Variants in SNX24 observed in about 807,000 individuals in gnomAD.
The protein encoded by SNX24 is sorting nexin 24, also known as sorting nexin-24.
Under a neutral mutation model 28.7 loss-of-function variants are expected in SNX24, and 22 were observed. That is an observed-to-expected ratio of 0.77 (90% CI 0.55 to 1.10). SNX24 has a LOEUF of 1.10. Among genes scored for constraint, SNX24 ranks in the 50% least tolerant of loss-of-function variants. The pLI is 0.00. For missense variants in SNX24, 221 were observed against 201.1 expected (o/e 1.10, Z -0.60); for synonymous variants, 69 against 71.5 (o/e 0.96, Z 0.18).
chr5:122,953,292 A>T (rs1230906750), intron 3 of SNX24, among the ~76,000 whole-genome samples: 1 of 152,046 alleles, frequency 6.6e-6, no homozygotes, highest in Non-Finnish European at 1.5e-5. Flanking sequence ...TTTAATAGAA[A>T]CAGGGTTTCG....
At chr5:122,873,461 T>C (rs779872366) in intron 1 of SNX24, among the ~76,000 whole-genome samples, 1 of 152,092 alleles carries the variant, frequency 6.6e-6, no homozygotes, top group Non-Finnish European at 1.5e-5. Flanking sequence ...GTGAGCATGT[T>C]TGCATGCTGG....
chr5:122,981,425 A>T (rs1213307051), intron 3 of SNX24, among the ~76,000 whole-genome samples: 1 of 148,818 alleles, frequency 6.7e-6, no homozygotes, highest in Non-Finnish European at 1.5e-5. Flanking sequence ...ATGTACTTTT[A>T]AAAAGGTTTT....
In SNX24 at chr5:123,009,122, A is replaced by G. The variant is rs980825301; in HGVS notation, c.*1373A>G. On this transcript the variant is annotated 3_prime_UTR_variant, in exon 7 of 7. Transcript: ENST00000261369. ...AAATAATCAAATGTTGTCAACCAAA[A>G]GTAATAGTTGGGTATTGGAGATTTT... 1 of 985,508 alleles carries G rather than the reference A, an allele frequency of 1.0e-6. No homozygotes were observed. The highest frequency in any genetic ancestry group is 1.2e-6 in the Non-Finnish European group (1 of 829,580). The allele number at this position is 985,508 out of a possible 1,614,324, so 61.0% of individuals were successfully genotyped here.
chr5:122,903,560 C>T (rs759676055), intron 1 of SNX24, among the ~76,000 whole-genome samples: 2 of 152,208 alleles, frequency 1.3e-5, no homozygotes, highest in African/African-American at 2.4e-5. Flanking sequence ...TAATTATCTC[C>T]TGTGGACTGG....
chr5:122,993,444 G>A (rs932775292), intron 3 of SNX24, among the ~76,000 whole-genome samples: 2 of 151,854 alleles, frequency 1.3e-5, no homozygotes, highest in African/African-American at 2.4e-5. Context: ...GACTACAGGC[G>A]CCTGCCACCA....
intron 3 of SNX24, among the ~76,000 whole-genome samples, chr5:122,981,741 G>A (rs1003684816): frequency 2.0e-5 from 3 of 152,168 alleles, no homozygotes; most frequent in African/African-American, 7.2e-5. Context: ...GCAGTGGCAC[G>A]ATCTCTGCTC....
At position 122,959,753 on chromosome 5, in the gene SNX24, C is replaced by T. The variant is rs989523182; in HGVS notation, c.249+13594C>T. On this transcript the variant is annotated intron_variant, in intron 3 of 6. Transcript: ENST00000261369. ...AAAGGAACTGAAGCAGCTACATTGTCTGGGGTAAATACTCGGGGTTCATTA... is the reference window on the plus strand; with the variant it reads ...AAAGGAACTGAAGCAGCTACATTGTTTGGGGTAAATACTCGGGGTTCATTA... 2.6e-5 allele frequency among the ~76,000 whole-genome samples: 4 copies of T among 151,992 alleles called. No homozygotes were observed. The East Asian group carries it at 7.7e-4, about 29-fold the overall frequency.
At chr5:122,966,393 GTAAATATT>G (rs1441918585) in intron 3 of SNX24, among the ~76,000 whole-genome samples, 1 of 152,220 alleles carries the variant, frequency 6.6e-6, no homozygotes, top group Non-Finnish European at 1.5e-5. Flanking sequence ...AGATTCGATA[GTAAATATT>G]TTAGGCCATG....
intron 3 of SNX24, among the ~76,000 whole-genome samples, chr5:122,951,722 G>A (rs557888150): frequency 1.3e-5 from 2 of 152,272 alleles, no homozygotes; most frequent in African/African-American, 2.4e-5. Flanking sequence ...AACAACCTTC[G>A]GGAAGATAGG....
At chr5:123,002,367 G>T (rs530181227) in intron 6 of SNX24, among the ~76,000 whole-genome samples, 1 of 152,130 alleles carries the variant, frequency 6.6e-6, no homozygotes, top group East Asian at 1.9e-4. Flanking sequence ...TCCCGGCCAG[G>T]CATTTTTAAA....
chr5:122,917,969 A>C (rs1758254717), intron 1 of SNX24, among the ~76,000 whole-genome samples: 1 of 152,040 alleles, frequency 6.6e-6, no homozygotes, highest in Non-Finnish European at 1.5e-5. Flanking sequence ...AGTCCCATCT[A>C]CTCAGGAGGC....
intron 1 of SNX24, among the ~76,000 whole-genome samples, chr5:122,933,198 G>T (rs1759035903): frequency 6.6e-6 from 1 of 152,200 alleles, no homozygotes; most frequent in Non-Finnish European, 1.5e-5. Context: ...CTGCTTCTGA[G>T]TCAAGAACCT....
intron 3 of SNX24, among the ~76,000 whole-genome samples, chr5:122,990,041 C>T (rs1761766967): frequency 6.6e-6 from 1 of 152,096 alleles, no homozygotes; most frequent in Non-Finnish European, 1.5e-5. Context: ...TTGTTGCAGC[C>T]AAGAGGCCAA....
At chr5:122,900,840 A>C (rs1757411834) in intron 1 of SNX24, among the ~76,000 whole-genome samples, 1 of 152,112 alleles carries the variant, frequency 6.6e-6, no homozygotes. Flanking sequence ...AAGAGCCAAT[A>C]ATTTATTCAG....
chr5:122,927,527 A>G (rs1037495779), intron 1 of SNX24, among the ~76,000 whole-genome samples: 2 of 152,162 alleles, frequency 1.3e-5, no homozygotes, highest in Non-Finnish European at 2.9e-5. Context: ...TGGATTCAAC[A>G]TCTTAGGGAG....
At chr5:122,970,391 G>A (rs1430853445) in intron 3 of SNX24, among the ~76,000 whole-genome samples, 2 of 151,980 alleles carry the variant, frequency 1.3e-5, no homozygotes, top group African/African-American at 4.8e-5. Flanking sequence ...ACTACCTACC[G>A]AAAACCTTTC....
chr5:122,993,917 A>G (rs1044234079), intron 3 of SNX24, among the ~76,000 whole-genome samples: 3 of 152,206 alleles, frequency 2.0e-5, no homozygotes, highest in Non-Finnish European at 4.4e-5. Context: ...AAACCAAACT[A>G]GATGGAATGG....
intron 5 of SNX24, among the ~76,000 whole-genome samples, chr5:123,014,915 A>G (rs1762654629): frequency 6.6e-6 from 1 of 152,122 alleles, no homozygotes; most frequent in Admixed American, 6.6e-5. Flanking sequence ...TCCTTCTTCA[A>G]AGGCTGACTC....
At chr5:122,862,431 A>G (rs201907620) in intron 1 of SNX24, among the ~76,000 whole-genome samples, 1 of 151,896 alleles carries the variant, frequency 6.6e-6, no homozygotes, top group Non-Finnish European at 1.5e-5. Context: ...CTGGCTAACA[A>G]GGTGAAACCC....
Sources: gnomAD v4.1 joint callset for allele counts (sites outside exome capture counted in the v4.1 genomes callset) on GRCh38, gnomAD v4.1.1 for gene constraint, MANE v1.5 for transcripts, NCBI Gene and HGNC (gene_info 2026-07-23, HGNC 2026-07-21) for gene names.